The following RNF180 variants were observed in gnomAD, a reference collection of about 807,000 sequenced individuals.
RNF180 encodes ring finger protein 180, also known as E3 ubiquitin-protein ligase RNF180.
Under a neutral mutation model 59.2 loss-of-function variants are expected in RNF180, and 38 were observed. The observed-to-expected ratio is 0.64, with a 90% CI of 0.50 to 0.84. RNF180 has a LOEUF of 0.84. RNF180 is among the 40% of genes least tolerant of loss of function. The pLI is 0.00. For missense variants in RNF180, 705 were observed against 700.9 expected, an observed-to-expected ratio of 1.01 and a Z score of -0.07; for synonymous variants, 262 against 240.3, an observed-to-expected ratio of 1.09 and a Z score of -0.84.
intron 5 of RNF180, among the ~76,000 whole-genome samples, chr5:64,311,877 A>G (rs1046709839): frequency 6.6e-6 from 1 of 151,996 alleles, no homozygotes; most frequent in Non-Finnish European, 1.5e-5. Context: ...TTTCCTAAGG[A>G]TAGGTAAACA....
intron 5 of RNF180, among the ~76,000 whole-genome samples, chr5:64,283,446 T>C (rs1267300304): frequency 6.6e-6 from 1 of 152,182 alleles, no homozygotes; most frequent in Non-Finnish European, 1.5e-5. Flanking sequence ...CTGTGCCTTC[T>C]AATTAGGGCA....
At chr5:64,342,555 G>GAGTT (rs1252967091) in intron 7 of RNF180, among the ~76,000 whole-genome samples, 1 of 152,098 alleles carries the variant, frequency 6.6e-6, no homozygotes, top group African/African-American at 2.4e-5. Context: ...TGTAGTCTCA[G>GAGTT]AGTTTAGGAA....
intron 7 of RNF180, among the ~76,000 whole-genome samples, chr5:64,344,944 C>A (rs561951115): frequency 6.6e-6 from 1 of 151,754 alleles, no homozygotes; most frequent in African/African-American, 2.4e-5. Context: ...ACAAGAAGCC[C>A]CTCCTTCTTC....
At chr5:64,299,568 A>G (rs1743058237) in intron 5 of RNF180, among the ~76,000 whole-genome samples, 2 of 151,954 alleles carry the variant, frequency 1.3e-5, no homozygotes, top group Admixed American at 6.6e-5. Context: ...ATCTAGGCCT[A>G]GCCTCTGAGA....
At chr5:64,237,385 A>G (rs181991517) in intron 5 of RNF180, among the ~76,000 whole-genome samples, 3 of 151,156 alleles carry the variant, frequency 2.0e-5, no homozygotes, top group East Asian at 1.9e-4. Flanking sequence ...TTTTTGGCCA[A>G]TTTCTCCCAT....
intron 1 of RNF180, among the ~76,000 whole-genome samples, chr5:64,194,126 G>T (rs1751322042): frequency 6.6e-6 from 1 of 152,212 alleles, no homozygotes. Context: ...TTAACATTAG[G>T]TATATCTCCT....
intron 7 of RNF180, among the ~76,000 whole-genome samples, chr5:64,353,338 TAAAGTAAAACAAATA>T (rs1484150139): frequency 6.6e-6 from 1 of 151,746 alleles, no homozygotes; most frequent in African/African-American, 2.4e-5. Context: ...TGAATGCTAT[TAAAGTAAAACAAATA>T]AACAAAAATT....
At chr5:64,170,438 G>C (rs1749879398) in intron 1 of RNF180, among the ~76,000 whole-genome samples, 1 of 152,150 alleles carries the variant, frequency 6.6e-6, no homozygotes, top group Non-Finnish European at 1.5e-5. Context: ...TGTGTTCGGG[G>C]TGTTTTTAAG....
At chr5:64,218,172 T>G (rs558470053) in intron 5 of RNF180, among the ~76,000 whole-genome samples, 3 of 152,296 alleles carry the variant, frequency 2.0e-5, no homozygotes, top group East Asian at 1.9e-4. Context: ...ATGCTTTTGG[T>G]GTTGTATCTA....
intron 2 of RNF180, among the ~76,000 whole-genome samples, chr5:64,205,749 A>G (rs1364143278): frequency 6.6e-6 from 1 of 152,124 alleles, no homozygotes; most frequent in African/African-American, 2.4e-5. Context: ...TCATACAGGA[A>G]CATTTATAGG....
At chr5:64,171,470 A>G (rs1398857726) in intron 1 of RNF180, among the ~76,000 whole-genome samples, 1 of 152,168 alleles carries the variant, frequency 6.6e-6, no homozygotes, top group Non-Finnish European at 1.5e-5. Flanking sequence ...CATACAGACT[A>G]TTGCAAGTAC....
chr5:64,317,555 TATATACACATACATATATATACAC>T, intron 5 of RNF180, among the ~76,000 whole-genome samples: 1 of 141,092 alleles, frequency 7.1e-6, no homozygotes, highest in South Asian at 2.2e-4. Context: ...TATATATACA[TATATACACATACATATATATACAC>T]ATATATATAC....
intron 5 of RNF180, among the ~76,000 whole-genome samples, chr5:64,235,999 G>T (rs141123827): frequency 9.9e-5 from 15 of 152,284 alleles, no homozygotes; most frequent in African/African-American, 3.6e-4. Context: ...ACAGAGAATT[G>T]GTACGAGCAG....
chr5:64,205,656 G>C (rs909338231), intron 2 of RNF180, among the ~76,000 whole-genome samples: 5 of 152,262 alleles, frequency 3.3e-5, no homozygotes, highest in African/African-American at 1.2e-4. Flanking sequence ...TGGATCATCA[G>C]CATATAAGTT....
chr5:64,237,865 A>G (rs942793556), intron 5 of RNF180, among the ~76,000 whole-genome samples: 1 of 150,574 alleles, frequency 6.6e-6, no homozygotes, highest in Non-Finnish European at 1.5e-5. Flanking sequence ...CCCCGCTTTC[A>G]CTCTCCTGCT....
chr5:64,253,652 A>C (rs549827310), intron 5 of RNF180, among the ~76,000 whole-genome samples: 1 of 152,142 alleles, frequency 6.6e-6, no homozygotes, highest in Non-Finnish European at 1.5e-5. Flanking sequence ...AGTTTTATGC[A>C]CAGGCAAAAC....
intron 5 of RNF180, among the ~76,000 whole-genome samples, chr5:64,235,157 A>G (rs1443879665): frequency 1.3e-5 from 2 of 152,062 alleles, no homozygotes; most frequent in African/African-American, 2.4e-5. Context: ...GTTGGCCTGC[A>G]CTGTAGTCCC....
At chr5:64,258,042 G>A (rs1744090018) in intron 5 of RNF180, among the ~76,000 whole-genome samples, 1 of 152,180 alleles carries the variant, frequency 6.6e-6, no homozygotes, top group African/African-American at 2.4e-5. Flanking sequence ...GCATGGGAAA[G>A]GCAGAGGGTC....
intron 5 of RNF180, among the ~76,000 whole-genome samples, chr5:64,230,187 G>C (rs1196695815): frequency 2.0e-5 from 3 of 152,146 alleles, no homozygotes; most frequent in African/African-American, 7.2e-5. Flanking sequence ...TGTATTTTAA[G>C]GAAATGAAGG....
Sources: gnomAD v4.1 joint callset for allele counts (sites outside exome capture counted in the v4.1 genomes callset) on GRCh38, gnomAD v4.1.1 for gene constraint, MANE v1.5 for transcripts, NCBI Gene and HGNC (gene_info 2026-07-23, HGNC 2026-07-21) for gene names.